The following CNTNAP2 variants were observed in gnomAD, a reference collection of about 807,000 sequenced individuals.
CNTNAP2 encodes contactin-associated protein-like 2.
A neutral mutation model predicts 155.2 loss-of-function variants in CNTNAP2; 98 were observed. That is an observed-to-expected ratio of 0.63 (90% CI 0.54 to 0.75). CNTNAP2 has a LOEUF of 0.75. Ranked by LOEUF, CNTNAP2 falls within the 30% of genes least tolerant of loss-of-function variation. The pLI is 0.00. For missense variants in CNTNAP2, 1,727 were observed against 1,688.1 expected (o/e 1.02, Z -0.40); for synonymous variants, 651 against 631.2 (o/e 1.03, Z -0.47).
At chr7:147,708,192 C>T (rs1377947968) in intron 13 of CNTNAP2, among the ~76,000 whole-genome samples, 2 of 152,156 alleles carry the variant, frequency 1.3e-5, no homozygotes, top group African/African-American at 4.8e-5. Flanking sequence ...AGGGAACACA[C>T]ATTTTCTTCA....
intron 8 of CNTNAP2, among the ~76,000 whole-genome samples, chr7:147,212,934 G>C (rs1803188764): frequency 6.6e-6 from 1 of 151,988 alleles, no homozygotes; most frequent in Admixed American, 6.6e-5. Context: ...CTAACATCAG[G>C]ATGTTAAATT....
chr7:146,701,662 T>TACAC (rs951227190), intron 1 of CNTNAP2, among the ~76,000 whole-genome samples: 14 of 148,836 alleles, frequency 9.4e-5, no homozygotes, highest in African/African-American at 3.1e-4. Context: ...AATTTTTGTA[T>TACAC]ATACACACAC....
intron 1 of CNTNAP2, among the ~76,000 whole-genome samples, chr7:146,170,222 C>A (rs1798370535): frequency 6.6e-6 from 1 of 152,018 alleles, no homozygotes; most frequent in South Asian, 2.1e-4. Flanking sequence ...AATGGGGTTT[C>A]ACCGTGTTGG....
intron 2 of CNTNAP2, among the ~76,000 whole-genome samples, chr7:146,816,867 A>G (rs1198754774): frequency 2.0e-5 from 3 of 152,214 alleles, no homozygotes; most frequent in African/African-American, 7.2e-5. Flanking sequence ...GTGCAATAGC[A>G]CTTGTCTCCT....
At chr7:148,403,082 T>A (rs1799627029) in intron 22 of CNTNAP2, among the ~76,000 whole-genome samples, 1 of 149,930 alleles carries the variant, frequency 6.7e-6, no homozygotes, top group African/African-American at 2.5e-5. Flanking sequence ...CAAACATACT[T>A]CTCCTTGGGT....
chr7:147,123,389 G>A (rs2129283252), intron 6 of CNTNAP2, among the ~76,000 whole-genome samples: 1 of 152,330 alleles, frequency 6.6e-6, no homozygotes, highest in East Asian at 1.9e-4. Context: ...CATAAACCCT[G>A]TTGAGTGTGT....
intron 3 of CNTNAP2, among the ~76,000 whole-genome samples, chr7:146,899,201 A>T (rs888986212): frequency 6.6e-6 from 1 of 152,060 alleles, no homozygotes; most frequent in African/African-American, 2.4e-5. Context: ...TTCTCAAGTA[A>T]TTTTATCTAG....
chr7:148,081,140 A>G (rs1016413225), intron 15 of CNTNAP2, among the ~76,000 whole-genome samples: 1 of 152,350 alleles, frequency 6.6e-6, no homozygotes, highest in East Asian at 1.9e-4. Context: ...TGAAGAAGTT[A>G]GTATCTTAAG....
chr7:147,722,093 C>T (rs1039017878), intron 13 of CNTNAP2, among the ~76,000 whole-genome samples: 1 of 152,172 alleles, frequency 6.6e-6, no homozygotes, highest in African/African-American at 2.4e-5. Context: ...CCACTTTTAG[C>T]TGTTTCTATC....
intron 21 of CNTNAP2, among the ~76,000 whole-genome samples, chr7:148,277,215 T>A (rs954979201): frequency 3.3e-5 from 5 of 152,152 alleles, no homozygotes; most frequent in African/African-American, 7.2e-5. Flanking sequence ...TGGCCAGGCA[T>A]CTGCTGGCCT....
At chr7:146,863,477 AT>A (rs1206661355) in intron 3 of CNTNAP2, among the ~76,000 whole-genome samples, 1 of 152,110 alleles carries the variant, frequency 6.6e-6, no homozygotes, top group Non-Finnish European at 1.5e-5. Context: ...TCCACATGGT[AT>A]TTCCACAGTT....
intron 8 of CNTNAP2, among the ~76,000 whole-genome samples, chr7:147,251,229 G>T (rs530809188): frequency 4.5e-4 from 69 of 152,206 alleles, no homozygotes; most frequent in African/African-American, 1.5e-3. Context: ...TCTGTCCCTT[G>T]TGATAAGTAC....
chr7:147,463,446 G>T (rs1157711546), intron 10 of CNTNAP2, among the ~76,000 whole-genome samples: 1 of 152,114 alleles, frequency 6.6e-6, no homozygotes, highest in Non-Finnish European at 1.5e-5. Context: ...CTCACGTGCA[G>T]ACCCAGGTCT....
rs768298723 is a variant in CNTNAP2, at chr7:147,128,792, A to G, written c.1039A>G (p.Ile347Val). 5.0e-6 allele frequency: 8 copies of G among 1,614,106 alleles called. No homozygotes were observed. The East Asian group carries it at 1.8e-4, about 36-fold the overall frequency. ...AAGCATCAACTACAATGGCGTCAAC[A>G]TTACTGATCTTGCCAGAAGGAAGAA... ...MESINYNGVN[I>V]TDLARRKKLE... The change falls in exon 7 of 24, where the codon ATT (isoleucine) becomes GTT (valine). Residue 347 changes from isoleucine (I) to valine (V), a missense_variant. By Grantham distance (29) the Ile-to-Val change is conservative. Coordinates refer to ENST00000361727, the MANE Select transcript of CNTNAP2 (RefSeq NM_014141.6).
intron 1 of CNTNAP2, among the ~76,000 whole-genome samples, chr7:146,629,398 TA>T (rs968011065): frequency 6.6e-6 from 1 of 152,192 alleles, no homozygotes; most frequent in Non-Finnish European, 1.5e-5. Context: ...TAAGGTTTAT[TA>T]AAATCCATTA....
chr7:148,187,635 T>A (rs1795141559), intron 18 of CNTNAP2, among the ~76,000 whole-genome samples: 1 of 152,186 alleles, frequency 6.6e-6, no homozygotes. Context: ...TCCAGCTGTT[T>A]CCTTGCTTTT....
rs369919930 is a variant in CNTNAP2 at position 147,686,977 on chromosome 7, T to C, written c.2098+47671T>C. On this transcript the variant is annotated intron_variant, in intron 13 of 23. Coordinates refer to ENST00000361727, the MANE Select transcript of CNTNAP2 (RefSeq NM_014141.6). ...CAGAAGGGTGACTACAGTTAACATT[T>C]ATCTATTGTATATTTCAAAATAGGT... Among the ~76,000 whole-genome samples the C allele has an allele frequency of 3.3e-5, 5 of 152,228 alleles. 1 individual carries two copies. The highest frequency in any genetic ancestry group is 1.2e-4 in the African/African-American group (5 of 41,562).
chr7:147,945,059 C>T (rs531052859), intron 14 of CNTNAP2, among the ~76,000 whole-genome samples: 26 of 152,264 alleles, frequency 1.7e-4, no homozygotes, highest in Middle Eastern at 3.4e-3. Flanking sequence ...TTCTGCATTG[C>T]ATAGCTTCAA....
At chr7:147,192,432 G>T (rs968290880) in intron 8 of CNTNAP2, among the ~76,000 whole-genome samples, 1 of 151,920 alleles carries the variant, frequency 6.6e-6, no homozygotes, top group African/African-American at 2.4e-5. Flanking sequence ...TCTATATTCT[G>T]ATCCATTAGT....
Sources: allele counts gnomAD v4.1 joint callset (sites outside exome capture counted in the v4.1 genomes callset), GRCh38; gene constraint gnomAD v4.1.1; transcripts MANE v1.5; gene names NCBI Gene and HGNC (gene_info 2026-07-23, HGNC 2026-07-21).